AFAP1L2: variants seen among roughly 807,000 people sequenced by gnomAD.
AFAP1L2 encodes the protein actin filament-associated protein 1-like 2.
Under a neutral mutation model 99.3 loss-of-function variants are expected in AFAP1L2, and 46 were observed. That is an observed-to-expected ratio of 0.46 (90% CI 0.37 to 0.59). AFAP1L2 has a LOEUF of 0.59. Ranked by LOEUF, AFAP1L2 falls within the 20% of genes least tolerant of loss-of-function variation. The probability of loss-of-function intolerance (pLI) is 0.00; values close to 1 mark genes in which losing one functional copy is unlikely to be tolerated. For missense variants in AFAP1L2, 959 were observed against 1,034.9 expected, an observed-to-expected ratio of 0.93 and a Z score of 1.01; for synonymous variants, 397 against 419.1, an observed-to-expected ratio of 0.95 and a Z score of 0.64.
At chr10:114,291,235 T>A, downstream of AFAP1L2, 1 of 1,550,360 alleles carries the variant, frequency 6.5e-7, no homozygotes, top group Non-Finnish European at 8.7e-7. Flanking sequence ...GAGACGCCCC[T>A]GAGGCACATG....
intron 1 of AFAP1L2, among the ~76,000 whole-genome samples, chr10:114,397,238 C>T (rs1565097998): frequency 6.6e-6 from 1 of 152,214 alleles, no homozygotes; most frequent in African/African-American, 2.4e-5. Context: ...AAATTTCCCT[C>T]ACGCCCTTTG....
chr10:114,285,843 C>T, the AFAP1L2 span: 25 of 1,309,056 alleles, frequency 1.9e-5, no homozygotes, highest in African/African-American at 3.0e-5. Context: ...TTCTCTGCAC[C>T]ATCTCCCTCC....
intron 1 of AFAP1L2, among the ~76,000 whole-genome samples, chr10:114,372,411 G>A (rs1365543299): frequency 6.6e-6 from 1 of 152,180 alleles, no homozygotes; most frequent in Non-Finnish European, 1.5e-5. Flanking sequence ...GGCCGGGTAG[G>A]AGGGGCAGGG....
chr10:114,363,317 G>A (rs960554251), intron 1 of AFAP1L2: 12 of 383,726 alleles, frequency 3.1e-5, no homozygotes, highest in African/African-American at 2.2e-4. Context: ...CTGAGGCAGC[G>A]TTTCACTGGC....
chr10:114,385,205 G>A (rs1485176195), intron 1 of AFAP1L2, among the ~76,000 whole-genome samples: 1 of 152,172 alleles, frequency 6.6e-6, no homozygotes, highest in Non-Finnish European at 1.5e-5. Context: ...ACAGGACATG[G>A]AGACAGGAGG....
the AFAP1L2 span, chr10:114,285,806 G>A: frequency 1.0e-6 from 1 of 967,794 alleles, no homozygotes; most frequent in Non-Finnish European, 1.5e-6. Context: ...ACGAGCACGG[G>A]TCACTTAAGC....
chr10:114,342,256 A>C (rs2048928179), intron 1 of AFAP1L2, among the ~76,000 whole-genome samples: 1 of 152,110 alleles, frequency 6.6e-6, no homozygotes, highest in Admixed American at 6.5e-5. Context: ...CAACACTCCT[A>C]GTGTGTGGGG....
intron 1 of AFAP1L2, among the ~76,000 whole-genome samples, chr10:114,389,496 T>C (rs2056891336): frequency 6.6e-6 from 1 of 152,074 alleles, no homozygotes; most frequent in Non-Finnish European, 1.5e-5. Flanking sequence ...ACTAGAAAAA[T>C]CTAATTCCAC....
chr10:114,297,238 C>T lies in AFAP1L2; in HGVS notation c.2289G>A (p.Leu763=). ...CACTCACGCGGGGGCTCACATTCTC[C>T]AGGTGGGTGGTGTCCACGGTGGTGC... ...TLGTTVDTTH[L]ENVSPRPKAV... The change falls in exon 17 of 19, where the codon CTG becomes CTA. Residue 763 remains leucine, a synonymous_variant. Coordinates refer to ENST00000304129, the MANE Select transcript of AFAP1L2 (RefSeq NM_001001936.3). The T allele has an allele frequency of 1.9e-6, 3 of 1,613,028 alleles. No individual in the cohort carries two copies. Among genetic ancestry groups the T allele is most frequent in the Non-Finnish European group, 2.5e-6 (3 of 1,179,468 alleles).
In AFAP1L2 at chr10:114,304,847, G is replaced by T. The variant is rs781022952; in HGVS notation, c.1156C>A (p.Arg386=). ...TGCTGGGCCACCTTGCTCCGGTTCC[G>T]GTCCTGGTAGAAGTGCAGGTGATTG... The part of the protein sequence containing the change: ...RDNHLHFYQD[R]NRSKVAQQPL... The change falls in exon 11 of 19, where the codon CGG becomes AGG. Residue 386 remains arginine, a synonymous_variant. Coordinates refer to ENST00000304129, the MANE Select transcript of AFAP1L2 (RefSeq NM_001001936.3). The T allele has an allele frequency of 6.2e-7, 1 of 1,613,526 alleles. No homozygotes were observed. Among genetic ancestry groups the T allele is most frequent in the East Asian group, 2.2e-5 (1 of 44,876 alleles).
chr10:114,360,502 TAGATAGTTAGATAGATAGATAGATAGATA>T (rs1184967218), intron 1 of AFAP1L2, among the ~76,000 whole-genome samples: 5 of 111,014 alleles, frequency 4.5e-5, no homozygotes, highest in African/African-American at 1.9e-4. Flanking sequence ...GATAGATAGA[TAGATAGTTAGATAGATAGATAGATAGATA>T]GATAGATAGA....
chr10:114,339,281 C>T (rs1214551337), intron 2 of AFAP1L2, among the ~76,000 whole-genome samples: 1 of 151,880 alleles, frequency 6.6e-6, no homozygotes, highest in African/African-American at 2.4e-5. Context: ...CCCGTCTCTA[C>T]TAAAAAATAT....
chr10:114,383,332 A>C (rs991529450), intron 1 of AFAP1L2, among the ~76,000 whole-genome samples: 6 of 152,026 alleles, frequency 3.9e-5, no homozygotes, highest in African/African-American at 1.4e-4. Flanking sequence ...AGGGGAGGAA[A>C]AGGAGGAAGG....
chr10:114,327,181 T>A (rs1239922841), intron 4 of AFAP1L2, among the ~76,000 whole-genome samples: 85 of 62,896 alleles, frequency 1.4e-3, no homozygotes, highest in Non-Finnish European at 2.5e-3. Flanking sequence ...ATATTTTTTT[T>A]TTAGGCAGAG....
At chr10:114,294,646 T>A (rs1288166665), downstream of AFAP1L2, among the ~76,000 whole-genome samples, 1 of 152,222 alleles carries the variant, frequency 6.6e-6, no homozygotes, top group Non-Finnish European at 1.5e-5. Context: ...GTCTTTGGTA[T>A]GTTGTTAACT....
intron 1 of AFAP1L2, among the ~76,000 whole-genome samples, chr10:114,349,406 A>AAAG (rs1203586883): frequency 6.6e-6 from 1 of 150,624 alleles, no homozygotes; most frequent in East Asian, 1.9e-4. Context: ...AAAAAAAAGA[A>AAAG]AAGAAAAGAG....
chr10:114,344,839 G>A (rs896982705), intron 1 of AFAP1L2, among the ~76,000 whole-genome samples: 1 of 152,188 alleles, frequency 6.6e-6, no homozygotes, highest in Non-Finnish European at 1.5e-5. Context: ...GCTCACGTTT[G>A]TAATCCCAGC....
chr10:114,336,938 A>G (rs1192708274), intron 2 of AFAP1L2, among the ~76,000 whole-genome samples: 1 of 152,242 alleles, frequency 6.6e-6, no homozygotes, highest in Non-Finnish European at 1.5e-5. Flanking sequence ...GTAAATGCAC[A>G]CATACACATC....
the AFAP1L2 span, chr10:114,281,914 C>T: frequency 2.1e-5 from 4 of 189,996 alleles, no homozygotes; most frequent in African/African-American, 4.7e-5. Flanking sequence ...CCTACTGCAT[C>T]GTAAGCCTCA....
Sources: gnomAD v4.1 joint callset for allele counts (sites outside exome capture counted in the v4.1 genomes callset) on GRCh38, gnomAD v4.1.1 for gene constraint, MANE v1.5 for transcripts, NCBI Gene and HGNC (gene_info 2026-07-23, HGNC 2026-07-21) for gene names.